The following RILPL1 variants were observed in gnomAD, a reference collection of about 807,000 sequenced individuals.
RILPL1 encodes RILP-like protein 1.
RILPL1 carries 33 observed loss-of-function variants against 50.3 expected under a neutral mutation model. The ratio of observed to expected loss-of-function variants is 0.66; its 90% CI spans 0.50 to 0.88. The LOEUF (loss-of-function observed/expected upper bound fraction) is 0.88. Ranked by LOEUF, RILPL1 falls within the 40% of genes least tolerant of loss-of-function variation. RILPL1 has a pLI of 0.00. For missense variants in RILPL1, 418 were observed against 542.5 expected, an observed-to-expected ratio of 0.77 and a Z score of 2.28; for synonymous variants, 205 against 228.6, an observed-to-expected ratio of 0.90 and a Z score of 0.93.
In RILPL1 at chr12:123,494,830, C is replaced by T. The variant is rs577112215; in HGVS notation, c.801+3714G>A. Among the ~76,000 whole-genome samples the T allele has an allele frequency of 5.3e-5, 8 of 152,306 alleles. No individual in the cohort carries two copies. The South Asian group carries it at 1.0e-3, about 20-fold the overall frequency. ...CAGTGAAACAGCTGAGTGTATCGCT[C>T]GCCTGCTGAACCCCTGCGAGGGACC... On this transcript the variant is annotated intron_variant, in intron 4 of 6. Transcript: ENST00000376874.
rs146247835 is a variant in RILPL1, at chr12:123,525,854, C to T, written c.310-2209G>A. Among the ~76,000 whole-genome samples the T allele has an allele frequency of 5.3e-3, 812 of 151,946 alleles. 7 individuals are homozygous for T. The highest frequency in any genetic ancestry group is 0.018 in the African/African-American group (746 of 41,418). On this transcript the variant is annotated intron_variant, in intron 1 of 6. Coordinates refer to ENST00000376874, the MANE Select transcript of RILPL1 (RefSeq NM_178314.5). Reference sequence around the variant, plus strand: ...GCCACCGTGCCCAGCCAGAAGTGTACACTTTAAATGAGTGTTATGGTATCT... The same window carrying T: ...GCCACCGTGCCCAGCCAGAAGTGTATACTTTAAATGAGTGTTATGGTATCT...
At chr12:123,488,281 A>G (rs1882469251) in intron 4 of RILPL1, among the ~76,000 whole-genome samples, 1 of 151,552 alleles carries the variant, frequency 6.6e-6, no homozygotes, top group Non-Finnish European at 1.5e-5. Flanking sequence ...TCTACAAAAA[A>G]GAAAAGAAAA....
In RILPL1 at chr12:123,471,584, T is replaced by TAGCC. The variant is rs1383639283; in HGVS notation, c.*950_*953dup. 6.6e-6 allele frequency: 1 copy of TAGCC among 152,190 alleles called. No individual in the cohort carries two copies. The highest frequency in any genetic ancestry group is 1.5e-5 in the Non-Finnish European group (1 of 68,102). The allele number at this position is 152,190 out of a possible 1,614,324, so 9.4% of individuals were successfully genotyped here. A position where few individuals can be genotyped will look rare whatever the true frequency, so the allele number is the denominator to read the frequency against. On this transcript the variant is annotated 3_prime_UTR_variant, in exon 7 of 7. Transcript: ENST00000376874. The stretch of plus-strand genomic sequence containing the variant: ...GCATCTGGCTCTCTGTCTGCTGCTA[T>TAGCC]AGCCCTGTGAGTCAGCCAGACGTGT...
chr12:123,501,677 T>C (rs1566127723), intron 2 of RILPL1, among the ~76,000 whole-genome samples: 1 of 149,996 alleles, frequency 6.7e-6, no homozygotes, highest in Non-Finnish European at 1.5e-5. Context: ...GGAGACTCGC[T>C]TGAACCCGGG....
chr12:123,492,857 C>G (rs568903645), intron 4 of RILPL1, among the ~76,000 whole-genome samples: 105 of 152,254 alleles, frequency 6.9e-4, no homozygotes, highest in African/African-American at 2.4e-3. Flanking sequence ...TTTGTTTAAA[C>G]AGATGCTTGA....
chr12:123,507,988 G>A lies in RILPL1; in HGVS notation c.461-8452C>T, dbSNP rs117734311. Among the ~76,000 whole-genome samples, 86 of 150,718 alleles carry A rather than the reference G, an allele frequency of 5.7e-4. 1 individual carries two copies. In the East Asian group the frequency reaches 0.014, roughly 25 times the overall value. On this transcript the variant is annotated intron_variant, in intron 2 of 6. Coordinates refer to ENST00000376874, the MANE Select transcript of RILPL1 (RefSeq NM_178314.5). ...AAAAAAAGAAAAGAGAAAACCAGTG[G>A]TTGCCTAGGGCTAGGGGGAATAGGG...
rs1009790542 is a variant in RILPL1, at chr12:123,485,484, G to C, written c.974+149C>G. ...AGTTTCAGAAAGGGGTTGTGAGCTTGTATGTAAGTTCTTTAGGCCAGAGAG... is the reference window on the plus strand; with the variant it reads ...AGTTTCAGAAAGGGGTTGTGAGCTTCTATGTAAGTTCTTTAGGCCAGAGAG... On this transcript the variant is annotated intron_variant, in intron 5 of 6. Coordinates refer to ENST00000376874, the MANE Select transcript of RILPL1 (RefSeq NM_178314.5). This position sits in a 1 kb window ranked among gnomAD's most constrained non-coding sequence, Gnocchi z 4.0. 2.8e-6 allele frequency: 2 copies of C among 702,960 alleles called. No individual in the cohort carries two copies. The highest frequency in any genetic ancestry group is 4.7e-6 in the Non-Finnish European group (2 of 421,166). The allele number at this position is 702,960 out of a possible 1,614,324, so 43.5% of individuals were successfully genotyped here.
chr12:123,481,358 CAAA>C (rs1250502610), intron 6 of RILPL1, among the ~76,000 whole-genome samples: 6 of 106,996 alleles, frequency 5.6e-5, no homozygotes, highest in Non-Finnish European at 6.1e-5. Context: ...GACTCCCTCT[CAAA>C]AAAAAAAAAA....
intron 3 of RILPL1, among the ~76,000 whole-genome samples, chr12:123,499,188 G>T (rs1235880151): frequency 6.6e-6 from 1 of 152,200 alleles, no homozygotes; most frequent in African/African-American, 2.4e-5. Flanking sequence ...GACCTTCCCA[G>T]GAGGCGGGAG....
rs57574691 is a variant in RILPL1 at position 123,470,473 on chromosome 12, CA to C, written c.*2064del. On this transcript the variant is annotated 3_prime_UTR_variant, in exon 7 of 7. Transcript: ENST00000376874. ...AGGTGACAGAGTGAGACCCTGTGTCCAAAAAAAAAAAAAAAAAAAAGGCCAG... is the reference window on the plus strand; with the variant it reads ...AGGTGACAGAGTGAGACCCTGTGTCCAAAAAAAAAAAAAAAAAAAGGCCAG... 0.63 allele frequency: 54,575 copies of C among 86,164 alleles called. 15,885 individuals carry two copies. The highest frequency in any genetic ancestry group is 0.92 in the East Asian group (2,425 of 2,638). 5.3% of individuals were successfully genotyped at this position (86,164 alleles called of 1,614,324 possible). A position where few individuals can be genotyped will look rare whatever the true frequency, so the allele number is the denominator to read the frequency against.
At chr12:123,477,618 C>G (rs1192378352) in intron 6 of RILPL1, among the ~76,000 whole-genome samples, 1 of 152,078 alleles carries the variant, frequency 6.6e-6, no homozygotes, top group Non-Finnish European at 1.5e-5. Flanking sequence ...GAGTGAACCA[C>G]CACGCCTGGC....
chr12:123,520,182 G>A (rs149169567), intron 2 of RILPL1, among the ~76,000 whole-genome samples: 16 of 152,356 alleles, frequency 1.1e-4, no homozygotes, highest in East Asian at 3.9e-4. Context: ...AGGTGGTGAC[G>A]TCTCACAGGT....
chr12:123,518,330 C>A (rs916853850), intron 2 of RILPL1: 5 of 425,218 alleles, frequency 1.2e-5, no homozygotes, highest in Non-Finnish European at 2.3e-5. Context: ...ATAGTGAGAC[C>A]CCCGTCTCTA....
chr12:123,500,166 G>C (rs897558071), intron 2 of RILPL1, among the ~76,000 whole-genome samples: 1 of 151,514 alleles, frequency 6.6e-6, no homozygotes, highest in Non-Finnish European at 1.5e-5. Context: ...TCCTGACCTC[G>C]TGATCCGCCC....
Position 123,490,142 on chromosome 12 carries a change from G to A in RILPL1, c.802-4337C>T, listed in dbSNP as rs191451837. ...CAGTCCCTTCCTCCTCAGACAGCTCGGGTCCTGCCTTTCATAGCAGGTCAG... is the reference window on the plus strand; with the variant it reads ...CAGTCCCTTCCTCCTCAGACAGCTCAGGTCCTGCCTTTCATAGCAGGTCAG... On this transcript the variant is annotated intron_variant, in intron 4 of 6. Coordinates refer to ENST00000376874, the MANE Select transcript of RILPL1 (RefSeq NM_178314.5). Among the ~76,000 whole-genome samples the A allele has an allele frequency of 7.2e-5, 11 of 152,134 alleles. No individual in the cohort carries two copies. The East Asian group carries it at 1.5e-3, about 21-fold the overall frequency.
At chr12:123,478,325 T>G (rs1881737729) in intron 6 of RILPL1, among the ~76,000 whole-genome samples, 1 of 152,064 alleles carries the variant, frequency 6.6e-6, no homozygotes, top group African/African-American at 2.4e-5. Context: ...CTGTGCTCAC[T>G]GAGCGGATGG....
At chr12:123,528,670 G>A (rs907665207) in intron 1 of RILPL1, among the ~76,000 whole-genome samples, 2 of 152,010 alleles carry the variant, frequency 1.3e-5, no homozygotes, top group Non-Finnish European at 2.9e-5. Context: ...CTTGTGATCC[G>A]CCCGCTTCAG....
At chr12:123,512,223 GGT>G (rs1434489290) in intron 2 of RILPL1, among the ~76,000 whole-genome samples, 1 of 141,366 alleles carries the variant, frequency 7.1e-6, no homozygotes, top group African/African-American at 2.6e-5. Flanking sequence ...GTCTGTGTGT[GGT>G]GTGTGTGTGG....
chr12:123,503,186 CTTTTTTT>C (rs373514624), intron 2 of RILPL1, among the ~76,000 whole-genome samples: 34 of 80,722 alleles, frequency 4.2e-4, no homozygotes, highest in Non-Finnish European at 6.9e-4. Context: ...CACGCCTGGC[CTTTTTTT>C]TTTTTTTTTT....
Sources: allele counts gnomAD v4.1 joint callset (sites outside exome capture counted in the v4.1 genomes callset), GRCh38; gene constraint gnomAD v4.1.1; non-coding constraint Gnocchi (gnomAD v3.1); transcripts MANE v1.5; gene names NCBI Gene and HGNC (gene_info 2026-07-23, HGNC 2026-07-21).